CSNK2A2IP: variants seen among roughly 807,000 people sequenced by gnomAD.
The protein encoded by CSNK2A2IP is casein kinase II subunit alpha'-interacting protein.
At chr3:88,437,526 TA>T in the CSNK2A2IP span, among the ~76,000 whole-genome samples, 11 of 152,252 alleles carry the variant, frequency 7.2e-5, no homozygotes, top group Non-Finnish European at 1.0e-4. Context: ...CATATTATTG[TA>T]AAACTATTCT....
chr3:88,430,743 G>T, the CSNK2A2IP span, among the ~76,000 whole-genome samples: 2 of 151,900 alleles, frequency 1.3e-5, no homozygotes, highest in Non-Finnish European at 1.5e-5. Flanking sequence ...CAACTAAAAC[G>T]AAGTAGTAAC....
At chr3:88,346,466 A>G in the CSNK2A2IP span, among the ~76,000 whole-genome samples, 4 of 152,110 alleles carry the variant, frequency 2.6e-5, no homozygotes, top group South Asian at 6.2e-4. Context: ...TTAGAGGTGA[A>G]TGCAGCTGGT....
the CSNK2A2IP span, chr3:88,465,635 T>C: frequency 1.6e-6 from 2 of 1,231,516 alleles, no homozygotes; most frequent in Non-Finnish European, 2.0e-6. Context: ...TCACCATTGT[T>C]CCATGCCAAG....
At chr3:88,354,629 T>A in the CSNK2A2IP span, among the ~76,000 whole-genome samples, 1 of 152,156 alleles carries the variant, frequency 6.6e-6, no homozygotes, top group Non-Finnish European at 1.5e-5. Flanking sequence ...CTGTCCACCA[T>A]GGCTTGGAAG....
the CSNK2A2IP span, among the ~76,000 whole-genome samples, chr3:88,436,072 T>C: frequency 0.33 from 49,979 of 151,784 alleles, 10,379 homozygotes; most frequent in Non-Finnish European, 0.47. Context: ...ACAGTCATAA[T>C]GCAAGAGAAG....
At chr3:88,346,499 C>T in the CSNK2A2IP span, among the ~76,000 whole-genome samples, 1 of 151,972 alleles carries the variant, frequency 6.6e-6, no homozygotes, top group African/African-American at 2.4e-5. Context: ...AGCCAGGGAT[C>T]CTTTACCATT....
the CSNK2A2IP span, among the ~76,000 whole-genome samples, chr3:88,405,111 A>T: frequency 6.6e-6 from 1 of 152,034 alleles, no homozygotes; most frequent in Non-Finnish European, 1.5e-5. Context: ...ACCCCCACCC[A>T]GTTCTTTCAC....
At chr3:88,427,596 T>C in the CSNK2A2IP span, among the ~76,000 whole-genome samples, 3 of 152,166 alleles carry the variant, frequency 2.0e-5, no homozygotes, top group Non-Finnish European at 2.9e-5. Context: ...TCTTGGGACT[T>C]GGTCCTCTGT....
At chr3:88,449,095 T>C in the CSNK2A2IP span, among the ~76,000 whole-genome samples, 1 of 152,136 alleles carries the variant, frequency 6.6e-6, no homozygotes, top group Non-Finnish European at 1.5e-5. Flanking sequence ...CCTGCCTCCC[T>C]TCTTTCCTTA....
At chr3:88,455,938 T>C in the CSNK2A2IP span, among the ~76,000 whole-genome samples, 1 of 151,906 alleles carries the variant, frequency 6.6e-6, no homozygotes, top group Non-Finnish European at 1.5e-5. Flanking sequence ...TATCCAGTTT[T>C]CATAACATTA....
At chr3:88,433,734 CGTT>C in the CSNK2A2IP span, among the ~76,000 whole-genome samples, 1 of 152,258 alleles carries the variant, frequency 6.6e-6, no homozygotes, top group East Asian at 1.9e-4. Context: ...CCCTTGGGGA[CGTT>C]GTGCTTTCTG....
At chr3:88,423,920 C>G in the CSNK2A2IP span, among the ~76,000 whole-genome samples, 7 of 152,268 alleles carry the variant, frequency 4.6e-5, no homozygotes, top group Non-Finnish European at 1.0e-4. Flanking sequence ...TTAAAAATCA[C>G]ATACTAGAAA....
chr3:88,371,053 T>C, the CSNK2A2IP span, among the ~76,000 whole-genome samples: 17 of 151,546 alleles, frequency 1.1e-4, no homozygotes, highest in Non-Finnish European at 2.1e-4. Flanking sequence ...AATAAATTTA[T>C]GTTGTTTAAA....
the CSNK2A2IP span, among the ~76,000 whole-genome samples, chr3:88,339,886 T>C: frequency 6.6e-6 from 1 of 151,982 alleles, no homozygotes; most frequent in Non-Finnish European, 1.5e-5. Context: ...ATTGAAGTAG[T>C]TTTTGTTTTC....
the CSNK2A2IP span, among the ~76,000 whole-genome samples, chr3:88,455,802 A>G: frequency 2.0e-5 from 3 of 151,832 alleles, no homozygotes; most frequent in African/African-American, 4.8e-5. Flanking sequence ...GATTTTTTCT[A>G]TGTATTTTTG....
the CSNK2A2IP span, among the ~76,000 whole-genome samples, chr3:88,376,012 A>G: frequency 6.6e-6 from 1 of 151,622 alleles, no homozygotes; most frequent in Admixed American, 6.6e-5. Flanking sequence ...GTATTACCCA[A>G]ACCCAGAGAG....
the CSNK2A2IP span, among the ~76,000 whole-genome samples, chr3:88,370,330 T>C: frequency 6.6e-6 from 1 of 151,928 alleles, no homozygotes; most frequent in African/African-American, 2.4e-5. Flanking sequence ...GAGATAATTA[T>C]CCTTGAATAC....
At chr3:88,371,026 G>A in the CSNK2A2IP span, among the ~76,000 whole-genome samples, 1 of 151,660 alleles carries the variant, frequency 6.6e-6, no homozygotes, top group East Asian at 1.9e-4. Context: ...TTGACTTTTA[G>A]CTTTCAGAAA....
chr3:88,358,540 T>A, the CSNK2A2IP span, among the ~76,000 whole-genome samples: 1 of 152,054 alleles, frequency 6.6e-6, no homozygotes, highest in East Asian at 1.9e-4. Flanking sequence ...TTTTTTTTAA[T>A]CATGAAAGGG....
Sources: allele counts gnomAD v4.1 joint callset (sites outside exome capture counted in the v4.1 genomes callset), GRCh38; gene constraint gnomAD v4.1.1; transcripts MANE v1.5; gene names NCBI Gene and HGNC (gene_info 2026-07-23, HGNC 2026-07-21).